Variants in LYPLAL1 observed in about 807,000 individuals in gnomAD.
LYPLAL1 encodes the protein lysophospholipase like 1, also known as lysophospholipase-like protein 1.
In LYPLAL1, 23 loss-of-function variants were observed where a neutral mutation model predicts 19.7. The observed-to-expected ratio is 1.17, with a 90% CI of 0.84 to 1.65. The LOEUF is 1.65. LYPLAL1 is among the 40% of genes most tolerant of loss of function. The probability of loss-of-function intolerance (pLI) is 0.00; values close to 1 mark genes in which losing one functional copy is unlikely to be tolerated. For synonymous variants in LYPLAL1, 119 were observed against 96.3 expected (o/e 1.24, Z -1.38); for missense variants, 355 against 279.4 (o/e 1.27, Z -1.93).
chr1:219,192,331 A>C (rs930822869), intron 2 of LYPLAL1, among the ~76,000 whole-genome samples: 2 of 151,694 alleles, frequency 1.3e-5, no homozygotes, highest in African/African-American at 4.8e-5. Flanking sequence ...TTGAGATGGC[A>C]AAGTAGAGGA....
chr1:219,329,245 C>T, the LYPLAL1 span, among the ~76,000 whole-genome samples: 60 of 152,222 alleles, frequency 3.9e-4, no homozygotes, highest in African/African-American at 1.3e-3. Context: ...GAAAAGAGAA[C>T]TGTCCTTATA....
At chr1:219,340,983 A>G in the LYPLAL1 span, among the ~76,000 whole-genome samples, 1 of 152,052 alleles carries the variant, frequency 6.6e-6, no homozygotes, top group Non-Finnish European at 1.5e-5. Context: ...AAACTGCTGT[A>G]GTCTTTGTCT....
At chr1:219,432,167 T>C in the LYPLAL1 span, among the ~76,000 whole-genome samples, 3 of 152,162 alleles carry the variant, frequency 2.0e-5, no homozygotes, top group Non-Finnish European at 1.5e-5. Flanking sequence ...GGGCAGTAAA[T>C]AGCCAATTTA....
chr1:219,386,293 G>C, the LYPLAL1 span, among the ~76,000 whole-genome samples: 1 of 152,248 alleles, frequency 6.6e-6, no homozygotes, highest in Admixed American at 6.5e-5. Context: ...GAGAAGAGAG[G>C]GTTCTGCATT....
the LYPLAL1 span, among the ~76,000 whole-genome samples, chr1:219,246,399 C>T: frequency 6.6e-6 from 1 of 152,096 alleles, no homozygotes; most frequent in African/African-American, 2.4e-5. Flanking sequence ...CTAAAGCTGA[C>T]ATTTCTATCT....
chr1:219,192,893 G>A (rs1657293959), intron 2 of LYPLAL1, among the ~76,000 whole-genome samples, 189 bp from the exon 3 acceptor site: 2 of 151,570 alleles, frequency 1.3e-5, no homozygotes, highest in South Asian at 2.1e-4. Context: ...AGATTTTAAT[G>A]GATTAGATAC....
the LYPLAL1 span, among the ~76,000 whole-genome samples, chr1:219,432,779 A>G: frequency 0.012 from 1,762 of 152,290 alleles, 43 homozygotes; most frequent in African/African-American, 0.041. Flanking sequence ...CACTTAGAAT[A>G]ATGCATTTTC....
intron 4 of LYPLAL1, among the ~76,000 whole-genome samples, chr1:219,211,209 A>G (rs1197173486): frequency 6.6e-6 from 1 of 152,082 alleles, no homozygotes; most frequent in Non-Finnish European, 1.5e-5. Context: ...TGTCTTCCCA[A>G]GTCACTTAGT....
Position 219,211,653 on chromosome 1 carries a change from A to G in LYPLAL1, c.639A>G (p.Leu213=), listed in dbSNP as rs1659054410. Residue 213 remains leucine (L), a synonymous_variant, in exon 5 of 5, where the codon CTA becomes CTG. Coordinates refer to ENST00000366928, the MANE Select transcript of LYPLAL1 (RefSeq NM_138794.5). ...GTTTTCCAAATGTTTACCATGAGCT[A>G]AGCAAAACTGAGTTAGACATATTGA... ...FHSFPNVYHE[L]SKTELDILKL... is the part of the protein sequence containing the mutation. 1 of 1,613,420 alleles carries G rather than the reference A, an allele frequency of 6.2e-7. No homozygotes were observed. The highest frequency in any genetic ancestry group is 1.7e-5 in the Admixed American group (1 of 59,914).
chr1:219,301,459 T>C, the LYPLAL1 span, among the ~76,000 whole-genome samples: 1 of 152,184 alleles, frequency 6.6e-6, no homozygotes, highest in Admixed American at 6.5e-5. Context: ...TTTGTGATTA[T>C]AGAGCATGGG....
At chr1:219,350,421 A>G in the LYPLAL1 span, among the ~76,000 whole-genome samples, 1 of 152,222 alleles carries the variant, frequency 6.6e-6, no homozygotes, top group Non-Finnish European at 1.5e-5. Context: ...TTTGGAAATA[A>G]TCTTCAGCTT....
intron 1 of LYPLAL1, among the ~76,000 whole-genome samples, chr1:219,175,611 A>G (rs920814676): frequency 2.6e-5 from 4 of 152,026 alleles, no homozygotes; most frequent in Non-Finnish European, 1.5e-5. Flanking sequence ...GTATGTATGT[A>G]TTTTTTCCTT....
the LYPLAL1 span, among the ~76,000 whole-genome samples, chr1:219,242,937 A>T: frequency 6.6e-6 from 1 of 151,910 alleles, no homozygotes; most frequent in Non-Finnish European, 1.5e-5. Flanking sequence ...AAGGAGCACC[A>T]GTGTGTGTCA....
At position 219,211,931 on chromosome 1, in the gene LYPLAL1, C is replaced by T. The variant is rs1314280895; in HGVS notation, c.*203C>T. The stretch of plus-strand genomic sequence containing the variant: ...ACATCTGTGCATAATTTTTCAGACA[C>T]AATTCTGTAAATATTTGGAAACCTT... On this transcript the variant is annotated 3_prime_UTR_variant, in exon 5 of 5. Transcript: ENST00000366928. 5.1e-6 allele frequency: 2 copies of T among 392,356 alleles called. No homozygotes were observed. The highest frequency in any genetic ancestry group is 2.1e-5 in the African/African-American group (1 of 48,100). The allele number at this position is 392,356 out of a possible 1,614,324, so 24.3% of individuals were successfully genotyped here.
At chr1:219,204,270 T>C (rs888516420) in intron 3 of LYPLAL1, among the ~76,000 whole-genome samples, 1 of 152,222 alleles carries the variant, frequency 6.6e-6, no homozygotes. Flanking sequence ...GTTGGCAGTA[T>C]AGTCATTGAC....
At chr1:219,440,020 CACACAT>C in the LYPLAL1 span, among the ~76,000 whole-genome samples, 1 of 90,672 alleles carries the variant, frequency 1.1e-5, no homozygotes, top group Admixed American at 1.1e-4. Flanking sequence ...TATACACACA[CACACAT>C]ATATATATAT....
chr1:219,445,197 T>G, the LYPLAL1 span, among the ~76,000 whole-genome samples: 1 of 151,996 alleles, frequency 6.6e-6, no homozygotes, highest in African/African-American at 2.4e-5. Context: ...TAATAATAAG[T>G]TTCCATTTGT....
the LYPLAL1 span, among the ~76,000 whole-genome samples, chr1:219,307,040 A>ATG: frequency 3.1e-3 from 106 of 33,984 alleles, no homozygotes; most frequent in African/African-American, 5.2e-3. Context: ...ATATATATAT[A>ATG]TGTATATATA....
chr1:219,244,095 C>T, the LYPLAL1 span, among the ~76,000 whole-genome samples: 1 of 151,826 alleles, frequency 6.6e-6, no homozygotes, highest in South Asian at 2.1e-4. Flanking sequence ...AGAAAACTAT[C>T]GATTTGAGCC....
Sources: allele counts gnomAD v4.1 joint callset (sites outside exome capture counted in the v4.1 genomes callset), GRCh38; gene constraint gnomAD v4.1.1; transcripts MANE v1.5; gene names NCBI Gene and HGNC (gene_info 2026-07-23, HGNC 2026-07-21).